ZSCAN30: variants seen among roughly 807,000 people sequenced by gnomAD.
The protein encoded by ZSCAN30 is zinc finger and SCAN domain containing 30, also known as zinc finger and SCAN domain-containing protein 30.
ZSCAN30 carries 37 observed loss-of-function variants against 44.3 expected under a neutral mutation model. The observed-to-expected ratio is 0.84, with a 90% CI of 0.64 to 1.10. ZSCAN30 has a LOEUF of 1.10. ZSCAN30 is among the 50% of genes least tolerant of loss of function. ZSCAN30 has a pLI of 0.00. For synonymous variants in ZSCAN30, 181 were observed against 204.6 expected (o/e 0.88, Z 0.98); for missense variants, 549 against 582.6 (o/e 0.94, Z 0.59).
At chr18:35,273,737 C>T (rs554323727) in intron 1 of ZSCAN30, among the ~76,000 whole-genome samples, 37 of 152,328 alleles carry the variant, frequency 2.4e-4, no homozygotes, top group Admixed American at 1.5e-3. Flanking sequence ...CAGTACCACA[C>T]TGTTTTGATA....
At chr18:35,265,305 A>ATT in intron 1 of ZSCAN30, among the ~76,000 whole-genome samples, 1 of 152,208 alleles carries the variant, frequency 6.6e-6, no homozygotes, top group Non-Finnish European at 1.5e-5. Flanking sequence ...CACACTTAAT[A>ATT]AACACCTACT....
At chr18:35,258,593 T>G (rs1455476960) in intron 3 of ZSCAN30, 1 of 152,496 alleles carries the variant, frequency 6.6e-6, no homozygotes, top group Non-Finnish European at 1.5e-5. Context: ...GTCAGGAGGC[T>G]GGGCACGGTG....
At chr18:35,270,723 G>A (rs2044252909) in intron 1 of ZSCAN30, among the ~76,000 whole-genome samples, 1 of 152,180 alleles carries the variant, frequency 6.6e-6, no homozygotes, top group African/African-American at 2.4e-5. Context: ...TGGGATTACA[G>A]GCACAGGCCA....
intron 1 of ZSCAN30, chr18:35,267,535 G>C (rs894324789): frequency 6.6e-6 from 1 of 152,188 alleles, no homozygotes; most frequent in South Asian, 2.1e-4. Context: ...ATGCCCGGCC[G>C]CACGCGCGCC....
intron 1 of ZSCAN30, chr18:35,267,864 CT>C (rs2044193676): frequency 6.6e-6 from 1 of 152,000 alleles, no homozygotes; most frequent in Admixed American, 6.6e-5. Context: ...GGAAGAGGAG[CT>C]GACCACGCTC....
At chr18:35,258,950 T>A (rs1442228381) in intron 3 of ZSCAN30, 1 of 152,446 alleles carries the variant, frequency 6.6e-6, no homozygotes, top group African/African-American at 2.4e-5. Context: ...TTGTGTTTTA[T>A]GAGGACTCTG....
intron 1 of ZSCAN30, chr18:35,270,094 T>C (rs2044241008): frequency 6.6e-6 from 1 of 152,142 alleles, no homozygotes; most frequent in Non-Finnish European, 1.5e-5. Context: ...TTCTCTATCA[T>C]TTATTTATTT....
chr18:35,253,942 A>G lies in ZSCAN30; in HGVS notation c.993T>C (p.Cys331=). ...RIHTGERPYA[C]KECGKAFSLS... Reference sequence around the variant, plus strand: ...AACTGAAGGCTTTGCCACATTCTTTACATGCATAAGGTCTCTCTCCAGTAT... The same window carrying G: ...AACTGAAGGCTTTGCCACATTCTTTGCATGCATAAGGTCTCTCTCCAGTAT... The change falls in exon 4 of 4, where the codon TGT becomes TGC. Residue 331 remains cysteine, a synonymous_variant. Coordinates refer to ENST00000333206, the MANE Select transcript of ZSCAN30 (RefSeq NM_001112734.4). 7 of 1,614,186 alleles carry G rather than the reference A, an allele frequency of 4.3e-6. No individual in the cohort carries two copies. The highest frequency in any genetic ancestry group is 5.1e-6 in the Non-Finnish European group (6 of 1,180,018).
intron 2 of ZSCAN30, 36 bp downstream of exon 2, chr18:35,263,909 C>A (rs771955164): frequency 5.0e-6 from 8 of 1,595,290 alleles, no homozygotes; most frequent in Non-Finnish European, 6.0e-6. Flanking sequence ...CATTAACTTA[C>A]AATAGATCAA....
chr18:35,288,284 AAAT>A (rs894901747), intron 1 of ZSCAN30, among the ~76,000 whole-genome samples: 5 of 152,254 alleles, frequency 3.3e-5, no homozygotes, highest in African/African-American at 1.2e-4. Flanking sequence ...ACAAAATGCT[AAAT>A]ATTATTAGTC....
intron 3 of ZSCAN30, chr18:35,258,061 G>A (rs2043901050): frequency 2.6e-6 from 2 of 770,590 alleles, no homozygotes; most frequent in African/African-American, 1.7e-5. Context: ...TTGTAAAAAT[G>A]GCATGGTGAC....
intron 1 of ZSCAN30, among the ~76,000 whole-genome samples, chr18:35,272,002 CCTCT>C (rs1458745959): frequency 1.3e-5 from 2 of 152,208 alleles, no homozygotes; most frequent in African/African-American, 2.4e-5. Context: ...CCCGCCCACG[CCTCT>C]CTCTCCACAG....
Position 35,253,836 on chromosome 18 carries a change from T to TG in ZSCAN30, c.1098dup (p.Arg367GlnfsTer20). ...TGCCTGATGAGCTCTGAACTGCCCC[T>TG]GAAGGCTTTTCCACATTCACAACAT... On this transcript the variant is annotated frameshift_variant, in exon 4 of 4. Coordinates refer to ENST00000333206, the MANE Select transcript of ZSCAN30 (RefSeq NM_001112734.4). LOFTEE classifies it high-confidence loss of function. The TG allele has an allele frequency of 6.2e-7, 1 of 1,614,214 alleles. No homozygotes were observed. Among genetic ancestry groups the TG allele is most frequent in the South Asian group, 1.1e-5 (1 of 91,088 alleles).
At chr18:35,282,188 A>C (rs1453866608) in intron 1 of ZSCAN30, 1 of 152,256 alleles carries the variant, frequency 6.6e-6, no homozygotes, top group Non-Finnish European at 1.5e-5. Flanking sequence ...ATGTGTTAAT[A>C]GTTAACTTTA....
Position 35,264,056 on chromosome 18 carries a change from G to A in ZSCAN30, c.297C>T (p.Ile99=), listed in dbSNP as rs1240199360. 6.2e-7 allele frequency: 1 copy of A among 1,614,074 alleles called. No homozygotes were observed. The highest frequency in any genetic ancestry group is 8.5e-7 in the Non-Finnish European group (1 of 1,179,940). The part of the protein sequence containing the change: ...ELLMLEQFLA[I]LPEELQAWLR... The stretch of plus-strand genomic sequence containing the variant: ...GCCAAGCTTGCAGCTCCTCAGGAAG[G>A]ATGGCCAGGAACTGCTCCAACATCA... The change falls in exon 2 of 4, where the codon ATC becomes ATT. Residue 99 remains isoleucine, a synonymous_variant. Transcript: ENST00000333206.
intron 3 of ZSCAN30, chr18:35,262,805 C>T (rs1292306052): frequency 6.5e-6 from 1 of 152,990 alleles, no homozygotes; most frequent in Non-Finnish European, 1.5e-5. Flanking sequence ...GATCTAAGAC[C>T]TGGCAGGAAA....
chr18:35,260,634 AT>A (rs1280251225), intron 3 of ZSCAN30: 1 of 152,024 alleles, frequency 6.6e-6, no homozygotes, highest in East Asian at 1.9e-4. Context: ...TATTTTTTAT[AT>A]ATTTTTTGGT....
At chr18:35,256,681 G>A (rs529175956) in intron 3 of ZSCAN30, among the ~76,000 whole-genome samples, 1 of 152,332 alleles carries the variant, frequency 6.6e-6, no homozygotes, top group African/African-American at 2.4e-5. Flanking sequence ...GGAGGCTGGA[G>A]GGTGGGGTAC....
intron 1 of ZSCAN30, among the ~76,000 whole-genome samples, chr18:35,276,440 A>G (rs2044368538): frequency 6.6e-6 from 1 of 152,104 alleles, no homozygotes; most frequent in Non-Finnish European, 1.5e-5. Context: ...GGGGCTTAGG[A>G]GGAAAAAATG....
Sources: allele counts gnomAD v4.1 joint callset (sites outside exome capture counted in the v4.1 genomes callset), GRCh38; gene constraint gnomAD v4.1.1; transcripts MANE v1.5; gene names NCBI Gene and HGNC (gene_info 2026-07-23, HGNC 2026-07-21).